The following SLC13A3 variants were observed in gnomAD, a reference collection of about 807,000 sequenced individuals.
SLC13A3 encodes Na(+)/dicarboxylate cotransporter 3.
In SLC13A3, 40 loss-of-function variants were observed where a neutral mutation model predicts 59.0. The observed-to-expected ratio is 0.68, with a 90% CI of 0.53 to 0.88. SLC13A3 has a LOEUF of 0.88. Ranked by LOEUF, SLC13A3 falls within the 40% of genes least tolerant of loss-of-function variation. The pLI, the probability that SLC13A3 is intolerant of heterozygous loss-of-function variation, is 0.00. For synonymous variants in SLC13A3, 317 were observed against 330.3 expected, an observed-to-expected ratio of 0.96 and a Z score of 0.44; for missense variants, 699 against 783.2, an observed-to-expected ratio of 0.89 and a Z score of 1.28.
rs17479573 is a variant in SLC13A3 at position 46,562,058 on chromosome 20, T to C, written c.1632+1356A>G. ...TCTCTGGCTGTCTTTATTCTCCAAA[T>C]CTATGCTGTTTGCATTGCTGCCCTC... On this transcript the variant is annotated intron_variant, in intron 12 of 12. Coordinates refer to ENST00000279027, the MANE Select transcript of SLC13A3 (RefSeq NM_022829.6). 4.7e-3 allele frequency among the ~76,000 whole-genome samples: 709 copies of C among 152,308 alleles called. 2 individuals carry two copies. The highest frequency in any genetic ancestry group is 8.1e-3 in the Non-Finnish European group (552 of 68,038).
chr20:46,672,903 C>A (rs922990239), upstream of SLC13A3, among the ~76,000 whole-genome samples: 12 of 152,198 alleles, frequency 7.9e-5, no homozygotes, highest in Non-Finnish European at 1.6e-4. Context: ...GGCTGAGTGA[C>A]CCTGAGTGCA....
chr20:46,601,800 G>A (rs144537200), intron 3 of SLC13A3, among the ~76,000 whole-genome samples: 1 of 152,254 alleles, frequency 6.6e-6, no homozygotes, highest in Non-Finnish European at 1.5e-5. Context: ...CCCTGGGGTG[G>A]GAGCACACCC....
At chr20:46,591,283 G>T (rs2062254338) in intron 6 of SLC13A3, among the ~76,000 whole-genome samples, 1 of 152,206 alleles carries the variant, frequency 6.6e-6, no homozygotes, top group Admixed American at 6.5e-5. Context: ...ACTCTGGAAG[G>T]TTACACAAGA....
upstream of SLC13A3, among the ~76,000 whole-genome samples, chr20:46,655,410 G>C (rs6017963): frequency 6.7e-6 from 1 of 149,274 alleles, no homozygotes; most frequent in Admixed American, 6.7e-5. Context: ...TGGTTATGCA[G>C]GCTTTACAGG....
At chr20:46,639,259 C>T (rs532729889) in intron 1 of SLC13A3, among the ~76,000 whole-genome samples, 2 of 152,056 alleles carry the variant, frequency 1.3e-5, no homozygotes, top group Admixed American at 1.3e-4. Context: ...GTCAAGAGTT[C>T]GAGACCAGAC....
chr20:46,672,521 C>A (rs2063099013), upstream of SLC13A3, among the ~76,000 whole-genome samples: 1 of 152,172 alleles, frequency 6.6e-6, no homozygotes, highest in African/African-American at 2.4e-5. Context: ...GTGGGGTAGG[C>A]AGTTCAAATG....
At chr20:46,575,319 T>C (rs1385197839) in intron 10 of SLC13A3, among the ~76,000 whole-genome samples, 1 of 152,208 alleles carries the variant, frequency 6.6e-6, no homozygotes, top group Non-Finnish European at 1.5e-5. Flanking sequence ...CCTAGTATTA[T>C]TAGTATTAGT....
intron 2 of SLC13A3, among the ~76,000 whole-genome samples, chr20:46,612,617 A>T (rs969175460): frequency 3.9e-5 from 6 of 152,216 alleles, no homozygotes; most frequent in Non-Finnish European, 8.8e-5. Flanking sequence ...CAAAAAAAAA[A>T]AAATTAGATA....
chr20:46,638,411 C>G (rs1186334907), intron 1 of SLC13A3, among the ~76,000 whole-genome samples: 1 of 152,192 alleles, frequency 6.6e-6, no homozygotes, highest in African/African-American at 2.4e-5. Context: ...ATGGTAAAAC[C>G]CAGGAGAGAA....
chr20:46,609,355 T>C (rs577037471), intron 3 of SLC13A3, among the ~76,000 whole-genome samples: 150 of 152,316 alleles, frequency 9.8e-4, no homozygotes, highest in African/African-American at 3.4e-3. Context: ...AAAAATACAA[T>C]GGCTGTGTAT....
intron 1 of SLC13A3, chr20:46,681,592 C>G (rs542738838): frequency 6.6e-6 from 1 of 152,292 alleles, no homozygotes; most frequent in East Asian, 1.9e-4. Context: ...TTAAAGGACG[C>G]AAGGGAAGAC....
intron 9 of SLC13A3, chr20:46,582,564 C>A: frequency 2.3e-6 from 2 of 871,046 alleles, no homozygotes; most frequent in Non-Finnish European, 2.8e-6. Context: ...GATGGTGCTA[C>A]TGCACCCCAG....
At chr20:46,632,459 A>C (rs1257456860) in intron 1 of SLC13A3, among the ~76,000 whole-genome samples, 2 of 76,360 alleles carry the variant, frequency 2.6e-5, no homozygotes, top group Admixed American at 3.2e-4. Context: ...GCCAGCCCCC[A>C]AGGGGGAAAA....
At chr20:46,565,590 C>G (rs1223753326) in intron 11 of SLC13A3, among the ~76,000 whole-genome samples, 1 of 151,978 alleles carries the variant, frequency 6.6e-6, no homozygotes, top group Non-Finnish European at 1.5e-5. Flanking sequence ...TCCAAAAGTG[C>G]TGGGATTACA....
intron 1 of SLC13A3, among the ~76,000 whole-genome samples, chr20:46,633,962 T>G (rs2062770946): frequency 1.3e-5 from 2 of 152,232 alleles, no homozygotes; most frequent in Admixed American, 1.3e-4. Context: ...TGTGTACATC[T>G]AGCAAGGGAT....
chr20:46,617,613 T>C (rs55933240), intron 1 of SLC13A3, among the ~76,000 whole-genome samples: 17 of 151,272 alleles, frequency 1.1e-4, no homozygotes, highest in Admixed American at 7.9e-4. Context: ...TGTGTGCGTG[T>C]GTGTGTGTGT....
chr20:46,674,600 CGCGCGTGTGT>C (rs1296609661), upstream of SLC13A3, among the ~76,000 whole-genome samples: 12 of 48,450 alleles, frequency 2.5e-4, 1 homozygote, highest in African/African-American at 8.0e-4. Flanking sequence ...CGCGCGCGCG[CGCGCGTGTGT>C]GTGTGTGTGT....
In SLC13A3 at chr20:46,631,489, T is replaced by C. The variant is rs77362143; in HGVS notation, c.112-17764A>G. On this transcript the variant is annotated intron_variant, in intron 1 of 12. Coordinates refer to ENST00000279027, the MANE Select transcript of SLC13A3 (RefSeq NM_022829.6). Reference sequence around the variant, plus strand: ...GACCATTGTGCCCTGGGCTTTATCATGCAGCAGGAGTTGGGAGCAGGGCTG... The same window carrying C: ...GACCATTGTGCCCTGGGCTTTATCACGCAGCAGGAGTTGGGAGCAGGGCTG... Among the ~76,000 whole-genome samples, 1,365 of 152,304 alleles carry C rather than the reference T, an allele frequency of 9.0e-3. 11 individuals are homozygous for C. The highest frequency in any genetic ancestry group is 0.03 in the African/African-American group (1,235 of 41,562).
chr20:46,610,356 G>T, intron 3 of SLC13A3, 90 bp downstream of exon 3: 1 of 1,281,238 alleles, frequency 7.8e-7, no homozygotes, highest in Non-Finnish European at 1.1e-6. Flanking sequence ...AAGTGTGCAT[G>T]CCCTTGGCCT....
Sources: allele counts gnomAD v4.1 joint callset (sites outside exome capture counted in the v4.1 genomes callset), GRCh38; gene constraint gnomAD v4.1.1; transcripts MANE v1.5; gene names NCBI Gene and HGNC (gene_info 2026-07-23, HGNC 2026-07-21).